Variants in ARHGEF11 observed in about 807,000 individuals in gnomAD.
ARHGEF11 encodes the protein Rho guanine exchange factor (GEF) 11.
Under a neutral mutation model 193.7 loss-of-function variants are expected in ARHGEF11, and 55 were observed. The ratio of observed to expected loss-of-function variants is 0.28; its 90% CI spans 0.23 to 0.36. The LOEUF (loss-of-function observed/expected upper bound fraction) is 0.36. Ranked by LOEUF, ARHGEF11 falls within the 10% of genes least tolerant of loss-of-function variation. The pLI is 1.00. For missense variants in ARHGEF11, 1,723 were observed against 2,005.6 expected (o/e 0.86, Z 2.69); for synonymous variants, 693 against 768.0 (o/e 0.90, Z 1.62).
At chr1:157,012,707 G>A (rs1184859169) in intron 1 of ARHGEF11, among the ~76,000 whole-genome samples, 2 of 152,130 alleles carry the variant, frequency 1.3e-5, no homozygotes, top group East Asian at 3.8e-4. Context: ...CAGTATTTTT[G>A]CTAAATCATC....
chr1:157,016,218 T>C (rs1270613701), intron 1 of ARHGEF11, among the ~76,000 whole-genome samples: 1 of 152,134 alleles, frequency 6.6e-6, no homozygotes, highest in Non-Finnish European at 1.5e-5. Flanking sequence ...CTAATATTAC[T>C]GTTTTTATTT....
intron 11 of ARHGEF11, among the ~76,000 whole-genome samples, chr1:156,965,829 T>G (rs1263523712): frequency 6.6e-6 from 1 of 152,220 alleles, no homozygotes. Flanking sequence ...GATCCTCTCT[T>G]CTACAGATCA....
intron 13 of ARHGEF11, 44 bp downstream of exon 13, chr1:156,963,159 C>G (rs200577914): frequency 1.4e-6 from 2 of 1,470,276 alleles, no homozygotes; most frequent in South Asian, 2.3e-5. Flanking sequence ...CCTCTCTGCC[C>G]AGTACCAGCA....
chr1:156,996,346 G>A (rs1666489377), intron 1 of ARHGEF11, among the ~76,000 whole-genome samples: 1 of 152,134 alleles, frequency 6.6e-6, no homozygotes, highest in Non-Finnish European at 1.5e-5. Context: ...CAGAGAGGAG[G>A]TGGACTTTAA....
rs1347319663 is a variant in ARHGEF11, at chr1:156,977,141, C to T, written c.511-87G>A. 2.6e-6 allele frequency: 3 copies of T among 1,154,052 alleles called. No individual in the cohort carries two copies. The East Asian group carries it at 7.0e-5, about 27-fold the overall frequency. The allele number at this position is 1,154,052 out of a possible 1,614,324, so 71.5% of individuals were successfully genotyped here. A position where few individuals can be genotyped will look rare whatever the true frequency, so the allele number is the denominator to read the frequency against. ...CTATCTGCTGGTTCCTGGGCAAGGA[C>T]AGCTATGAGAATAGAGCCTGGATCA... On this transcript the variant is annotated intron_variant, in intron 6 of 40. Transcript: ENST00000368194.
chr1:156,969,952 T>G, intron 9 of ARHGEF11, 46 bp downstream of exon 9: 1 of 1,602,818 alleles, frequency 6.2e-7, no homozygotes, highest in Non-Finnish European at 8.5e-7. Context: ...GTAAGAAACC[T>G]GGACTAGAGA....
chr1:156,947,731 G>A (rs758215861), intron 25 of ARHGEF11, 38 bp downstream of exon 25: 8 of 1,605,354 alleles, frequency 5.0e-6, no homozygotes, highest in East Asian at 2.2e-5. Flanking sequence ...ATTCCCACAC[G>A]TGTGAGCGGA....
intron 4 of ARHGEF11, 84 bp downstream of exon 4, chr1:156,980,353 G>A (rs764293220): frequency 1.2e-4 from 174 of 1,501,712 alleles, no homozygotes; most frequent in Non-Finnish European, 1.5e-4. Context: ...CAAGATGAAA[G>A]TGTGCAGGAT....
chr1:156,946,592 G>C (rs1176537225), intron 28 of ARHGEF11, 70 bp downstream of exon 28: 11 of 1,607,108 alleles, frequency 6.8e-6, no homozygotes, highest in Middle Eastern at 3.3e-4. Context: ...GCCAGAAGGA[G>C]AGAAGTTCAG....
chr1:156,944,118 C>T lies in ARHGEF11; in HGVS notation c.3068-16G>A, dbSNP rs749279886. On this transcript the variant is annotated splice_polypyrimidine_tract_variant and intron_variant, in intron 31 of 40. Coordinates refer to ENST00000368194, the MANE Select transcript of ARHGEF11 (RefSeq NM_198236.3). ...ACGTGGAGGTCTGGAGGGGTATGGT[C>T]ATGGGAAGGTGTTCCCTGGTGCCTA... The T allele has an allele frequency of 1.2e-5, 19 of 1,610,584 alleles. No individual in the cohort carries two copies. The East Asian group carries it at 3.8e-4, about 32-fold the overall frequency.
At position 156,936,017 on chromosome 1, in the gene ARHGEF11, C is replaced by T. The variant is rs748007604; in HGVS notation, c.4672G>A (p.Ala1558Thr). The change falls in exon 41 of 41, where the codon GCG (alanine) becomes ACG (threonine). Residue 1558 changes from alanine to threonine, a missense_variant. By Grantham distance (58) the Ala-to-Thr change is moderately conservative. Coordinates refer to ENST00000368194, the MANE Select transcript of ARHGEF11 (RefSeq NM_198236.3). ...PLEDSTADAA[A>T]SPGP Reference sequence around the variant, plus strand: ...TTGTACGGTTATGGTCCTGGTGACGCGGCTGCGTCTGCTGTGCTGTCTTCC... The same window carrying T: ...TTGTACGGTTATGGTCCTGGTGACGTGGCTGCGTCTGCTGTGCTGTCTTCC... The T allele has an allele frequency of 2.0e-5, 33 of 1,613,494 alleles. No individual in the cohort carries two copies. Among genetic ancestry groups the T allele is most frequent in the Admixed American group, 6.7e-5 (4 of 59,982 alleles).
chr1:156,979,557 G>A (rs1279935705), intron 4 of ARHGEF11, among the ~76,000 whole-genome samples: 3 of 151,960 alleles, frequency 2.0e-5, no homozygotes, highest in African/African-American at 4.8e-5. Context: ...GGAGAGATGG[G>A]GTTTCACTGT....
At chr1:157,036,853 C>T (rs1044598950) in intron 1 of ARHGEF11, among the ~76,000 whole-genome samples, 6 of 152,040 alleles carry the variant, frequency 3.9e-5, no homozygotes, top group Admixed American at 2.0e-4. Flanking sequence ...GGGCAGTGCA[C>T]GGTGGCTTAC....
Position 156,936,511 on chromosome 1 carries a change from T to A in ARHGEF11, c.4630+305A>T, listed in dbSNP as rs1232807437. ...AAAAAAAAAAAAATATATATATATA[T>A]ATATATATATATATAAAATTAAAAA... is the stretch of plus-strand genomic sequence containing the variant. On this transcript the variant is annotated intron_variant, in intron 40 of 40. Coordinates refer to ENST00000368194, the MANE Select transcript of ARHGEF11 (RefSeq NM_198236.3). 9.5e-5 allele frequency among the ~76,000 whole-genome samples: 12 copies of A among 125,710 alleles called. 2 individuals are homozygous for A. Among genetic ancestry groups the A allele is most frequent in the African/African-American group, 3.5e-4 (10 of 28,790 alleles). 82.5% of individuals were successfully genotyped at this position (125,710 alleles called of 152,430 possible). A position where few individuals can be genotyped will look rare whatever the true frequency, so the allele number is the denominator to read the frequency against.
chr1:156,944,154 A>G, intron 31 of ARHGEF11, 52 bp from the exon 32 acceptor site: 3 of 1,588,840 alleles, frequency 1.9e-6, no homozygotes, highest in Non-Finnish European at 2.6e-6. Context: ...CTCATCCCTC[A>G]TGAGCACAAT....
At chr1:156,977,178 T>G in intron 6 of ARHGEF11, 124 bp from the exon 7 acceptor site, 1 of 824,064 alleles carries the variant, frequency 1.2e-6, no homozygotes, top group South Asian at 1.5e-5. Context: ...AAGTATGTTT[T>G]ATTCAGTACC....
intron 1 of ARHGEF11, among the ~76,000 whole-genome samples, chr1:157,020,363 A>C (rs556093138): frequency 6.6e-6 from 1 of 152,318 alleles, no homozygotes; most frequent in Non-Finnish European, 1.5e-5. Context: ...CTGGGTCCAT[A>C]TTAGAAACTA....
At chr1:156,958,707 T>A (rs1336941185) in intron 17 of ARHGEF11, 35 bp downstream of exon 17, 1 of 1,613,562 alleles carries the variant, frequency 6.2e-7, no homozygotes, top group East Asian at 2.2e-5. Flanking sequence ...CTGCTTAGGA[T>A]GTTCAGTGGG....
At chr1:156,972,603 T>A (rs938809157) in intron 7 of ARHGEF11, among the ~76,000 whole-genome samples, 3 of 152,218 alleles carry the variant, frequency 2.0e-5, no homozygotes, top group Non-Finnish European at 4.4e-5. Flanking sequence ...TGGGTTCACA[T>A]ATTATCTAGG....
Sources: allele counts gnomAD v4.1 joint callset (sites outside exome capture counted in the v4.1 genomes callset), GRCh38; gene constraint gnomAD v4.1.1; transcripts MANE v1.5; gene names NCBI Gene and HGNC (gene_info 2026-07-23, HGNC 2026-07-21).